Variants in MAML3 observed in about 807,000 individuals in gnomAD.
The protein encoded by MAML3 is mastermind like transcriptional coactivator 3.
Under a neutral mutation model 101.9 loss-of-function variants are expected in MAML3, and 27 were observed. That is an observed-to-expected ratio of 0.27 (90% CI 0.20 to 0.37). The LOEUF (loss-of-function observed/expected upper bound fraction) is 0.37. Among genes scored for constraint, MAML3 ranks in the 10% least tolerant of loss-of-function variants. MAML3 has a pLI of 1.00. For synonymous variants in MAML3, 501 were observed against 555.9 expected (o/e 0.90, Z 1.39); for missense variants, 1,316 against 1,444.9 (o/e 0.91, Z 1.45).
chr4:140,034,352 T>C (rs903105178), intron 1 of MAML3, among the ~76,000 whole-genome samples: 1 of 152,194 alleles, frequency 6.6e-6, no homozygotes, highest in African/African-American at 2.4e-5. Context: ...TACTTAGAAA[T>C]TTAAACTCTT....
At chr4:140,067,030 T>C (rs1281623515) in intron 1 of MAML3, among the ~76,000 whole-genome samples, 1 of 152,212 alleles carries the variant, frequency 6.6e-6, no homozygotes, top group Admixed American at 6.5e-5. Context: ...GCAACAATAA[T>C]GTTCATCTAT....
chr4:139,949,079 G>A (rs1331975504), intron 1 of MAML3, among the ~76,000 whole-genome samples: 1 of 152,006 alleles, frequency 6.6e-6, no homozygotes, highest in Non-Finnish European at 1.5e-5. Context: ...GCAGTGGCGC[G>A]ATCTCGGCTC....
At chr4:140,026,862 A>G (rs2110885436) in intron 1 of MAML3, among the ~76,000 whole-genome samples, 1 of 152,300 alleles carries the variant, frequency 6.6e-6, no homozygotes, top group African/African-American at 2.4e-5. Flanking sequence ...AAAGTTTTGT[A>G]AATTTTCCCC....
rs547507498 is a variant in MAML3, at chr4:140,123,424, T to A, written c.468+29436A>T. Among the ~76,000 whole-genome samples, 45 of 152,320 alleles carry A rather than the reference T, an allele frequency of 3.0e-4. 1 individual carries two copies. Among genetic ancestry groups the A allele is most frequent in the South Asian group, 6.2e-4 (3 of 4,824 alleles). ...AGTATAATTGTGAGTACTTTTTTTT[T>A]AAAGATGTACTTTTACAAGTAGGTG... On this transcript the variant is annotated intron_variant, in intron 1 of 4. Coordinates refer to ENST00000509479, the MANE Select transcript of MAML3 (RefSeq NM_018717.5).
At chr4:140,140,448 T>C (rs1425911279) in intron 1 of MAML3, among the ~76,000 whole-genome samples, 2 of 152,218 alleles carry the variant, frequency 1.3e-5, no homozygotes, top group African/African-American at 4.8e-5. Flanking sequence ...CTTTTGCTAT[T>C]TAAGCCACTG....
intron 2 of MAML3, among the ~76,000 whole-genome samples, chr4:139,751,010 T>C (rs894022406): frequency 6.6e-6 from 1 of 152,240 alleles, no homozygotes; most frequent in Non-Finnish European, 1.5e-5. Flanking sequence ...AATCACTCTT[T>C]TCCTGAAGTT....
At chr4:140,141,790 C>G (rs1728983896) in intron 1 of MAML3, among the ~76,000 whole-genome samples, 1 of 152,116 alleles carries the variant, frequency 6.6e-6, no homozygotes, top group African/African-American at 2.4e-5. Flanking sequence ...CTTTTTTAAG[C>G]CATATTGTTA....
chr4:140,102,969 A>G (rs906477295), intron 1 of MAML3, among the ~76,000 whole-genome samples: 1 of 152,190 alleles, frequency 6.6e-6, no homozygotes, highest in Non-Finnish European at 1.5e-5. Context: ...AGCAAGGCAG[A>G]AAGTGCAGCT....
At chr4:139,832,449 T>C (rs1351291540) in intron 2 of MAML3, among the ~76,000 whole-genome samples, 1 of 152,068 alleles carries the variant, frequency 6.6e-6, no homozygotes, top group Non-Finnish European at 1.5e-5. Flanking sequence ...CCCTCAAATG[T>C]GCAGGAAGCT....
chr4:139,930,336 C>A (rs1218913604), intron 1 of MAML3, among the ~76,000 whole-genome samples: 1 of 152,054 alleles, frequency 6.6e-6, no homozygotes, highest in Non-Finnish European at 1.5e-5. Flanking sequence ...AGTTTGTGAG[C>A]AGAGTTCACA....
chr4:139,860,190 T>G (rs1051378785), intron 2 of MAML3, among the ~76,000 whole-genome samples: 3 of 152,242 alleles, frequency 2.0e-5, no homozygotes, highest in African/African-American at 7.2e-5. Context: ...GGAAACGCCG[T>G]GGGGTCGGAG....
At chr4:139,778,994 A>G (rs115128676) in intron 2 of MAML3, among the ~76,000 whole-genome samples, 2,910 of 151,908 alleles carry the variant, frequency 0.019, 85 homozygotes, top group African/African-American at 0.067. Flanking sequence ...AAAAAAAAAA[A>G]AAAAAGAAAA....
At chr4:139,891,129 A>C (rs1426441362) in intron 1 of MAML3, among the ~76,000 whole-genome samples, 162 bp from the exon 2 acceptor site, 2 of 152,238 alleles carry the variant, frequency 1.3e-5, no homozygotes, top group Non-Finnish European at 2.9e-5. Context: ...TGCAATTCAA[A>C]TTGTATGGGA....
intron 1 of MAML3, among the ~76,000 whole-genome samples, chr4:140,120,284 T>G (rs1728587329): frequency 6.6e-6 from 1 of 150,456 alleles, no homozygotes; most frequent in Admixed American, 6.6e-5. Context: ...ACCTACAATG[T>G]GAATCTGAGT....
chr4:139,950,323 A>G (rs1170539551), intron 1 of MAML3, among the ~76,000 whole-genome samples: 6 of 152,158 alleles, frequency 3.9e-5, no homozygotes, highest in Admixed American at 3.3e-4. Flanking sequence ...TACAGGCATG[A>G]GCCACCATGC....
rs762527810 is a variant in MAML3, at chr4:140,153,376, C to G, written c.-49G>C. 5 of 1,507,776 alleles carry G rather than the reference C, an allele frequency of 3.3e-6. No homozygotes were observed. In the Admixed American group the frequency reaches 6.7e-5, roughly 20 times the overall value. The allele number at this position is 1,507,776 out of a possible 1,614,324, so 93.4% of individuals were successfully genotyped here. On this transcript the variant is annotated 5_prime_UTR_variant, in exon 1 of 5. Coordinates refer to ENST00000509479, the MANE Select transcript of MAML3 (RefSeq NM_018717.5). ...TGGAAGAACTTTTTTTATCCACCCC[C>G]CTATCAGCCTCCTCCTTGGGTCCAA...
At chr4:139,847,228 A>AAT (rs1253757768) in intron 2 of MAML3, among the ~76,000 whole-genome samples, 2 of 152,170 alleles carry the variant, frequency 1.3e-5, no homozygotes, top group Non-Finnish European at 2.9e-5. Flanking sequence ...AACAAACAAA[A>AAT]ATATATATAT....
At chr4:139,768,198 G>T (rs1729901443) in intron 2 of MAML3, among the ~76,000 whole-genome samples, 1 of 145,434 alleles carries the variant, frequency 6.9e-6, no homozygotes, top group African/African-American at 2.6e-5. Flanking sequence ...CATTCAGTAG[G>T]TTGTCTCTTT....
At chr4:140,024,724 T>C (rs1391069471) in intron 1 of MAML3, among the ~76,000 whole-genome samples, 4 of 152,088 alleles carry the variant, frequency 2.6e-5, no homozygotes, top group African/African-American at 9.7e-5. Context: ...ATAATATAAC[T>C]AAAGAAAAGG....
Sources: gnomAD v4.1 joint callset for allele counts (sites outside exome capture counted in the v4.1 genomes callset) on GRCh38, gnomAD v4.1.1 for gene constraint, MANE v1.5 for transcripts, NCBI Gene and HGNC (gene_info 2026-07-23, HGNC 2026-07-21) for gene names.